Variants in TEX36 observed in about 807,000 individuals in gnomAD.
TEX36 encodes the protein testis-expressed protein 36.
A neutral mutation model predicts 13.6 loss-of-function variants in TEX36; 12 were observed. The observed-to-expected ratio is 0.88, with a 90% CI of 0.56 to 1.43. The LOEUF (loss-of-function observed/expected upper bound fraction) is 1.43, where lower values mean the gene tolerates loss of function less well. TEX36 is among the 40% of genes most tolerant of loss of function. The pLI, the probability that TEX36 is intolerant of heterozygous loss-of-function variation, is 0.00. For missense variants in TEX36, 224 were observed against 228.3 expected (o/e 0.98, Z 0.12); for synonymous variants, 93 against 83.0 (o/e 1.12, Z -0.65).
At chr10:125,585,277 T>C (rs1466655430) in intron 3 of TEX36, among the ~76,000 whole-genome samples, 3 of 152,114 alleles carry the variant, frequency 2.0e-5, no homozygotes, top group African/African-American at 7.2e-5. Flanking sequence ...GGAGAGGATG[T>C]ACCTGCCCAA....
In TEX36 at chr10:125,636,154, C is replaced by A. The variant is rs756536819; in HGVS notation, c.265-14509G>T. ...CCTCCCAAAGTGCTGGGATTATAGGCGTGAGTCACCACATGCGGCCTTCAA... is the reference window on the plus strand; with the variant it reads ...CCTCCCAAAGTGCTGGGATTATAGGAGTGAGTCACCACATGCGGCCTTCAA... On this transcript the variant is annotated intron_variant, in intron 3 of 3. Transcript: ENST00000526819. 2.0e-5 allele frequency among the ~76,000 whole-genome samples: 3 copies of A among 151,482 alleles called. No individual in the cohort carries two copies. The East Asian group carries it at 5.9e-4, about 30-fold the overall frequency.
intron 3 of TEX36, among the ~76,000 whole-genome samples, chr10:125,622,923 G>T (rs576738095): frequency 3.2e-4 from 48 of 152,274 alleles, no homozygotes; most frequent in African/African-American, 1.1e-3. Flanking sequence ...CCTGGTGACA[G>T]CATTCCTCCC....
chr10:125,582,512 C>T (rs919053974), intron 3 of TEX36, among the ~76,000 whole-genome samples: 7 of 152,192 alleles, frequency 4.6e-5, no homozygotes, highest in African/African-American at 1.7e-4. Context: ...CATTCTGCTG[C>T]GTGCGTGCCT....
chr10:125,585,430 A>T (rs1845933361), intron 3 of TEX36, among the ~76,000 whole-genome samples: 1 of 152,152 alleles, frequency 6.6e-6, no homozygotes, highest in South Asian at 2.1e-4. Context: ...CCTCAGAAGC[A>T]AGGTCTCTTC....
At chr10:125,606,699 C>T (rs1049782449) in intron 3 of TEX36, among the ~76,000 whole-genome samples, 49 of 152,234 alleles carry the variant, frequency 3.2e-4, no homozygotes, top group East Asian at 2.5e-3. Context: ...ATTACTGTTC[C>T]GGAGATAACA....
chr10:125,593,423 G>C (rs1479669798), intron 3 of TEX36, among the ~76,000 whole-genome samples: 1 of 152,208 alleles, frequency 6.6e-6, no homozygotes, highest in African/African-American at 2.4e-5. Context: ...TCTGCCACTT[G>C]CTATGTGACT....
At chr10:125,637,951 C>A (rs956044122) in intron 3 of TEX36, among the ~76,000 whole-genome samples, 5 of 152,176 alleles carry the variant, frequency 3.3e-5, no homozygotes, top group Admixed American at 1.3e-4. Context: ...GGGCCCCCTC[C>A]AACTTCCCCT....
At chr10:125,652,046 T>C (rs1161969836), downstream of TEX36, among the ~76,000 whole-genome samples, 1 of 152,148 alleles carries the variant, frequency 6.6e-6, no homozygotes. Flanking sequence ...AGAATCAATA[T>C]TGTGAAAACG....
Position 125,661,906 on chromosome 10 carries a change from A to C in TEX36, c.123T>G (p.Ser41Arg), listed in dbSNP as rs1443861032. The C allele has an allele frequency of 6.4e-7, 1 of 1,551,974 alleles. No homozygotes were observed. The highest frequency in any genetic ancestry group is 2.0e-5 in the Admixed American group (1 of 50,992). ...CCTCCGCTTGCCGAGGCAAGTGTGG[A>C]CTCTGGGGCTCTTTTGACGTAGCAC... is the stretch of plus-strand genomic sequence containing the variant. The part of the protein sequence containing the change: ...ITSATSKEPQ[S>R]PHLPRQAEGK... Residue 41 changes from serine to arginine, a missense_variant, in exon 2 of 4, where the codon AGT becomes AGG. Transcript: ENST00000368821.
At chr10:125,643,839 T>G (rs767396181) in intron 3 of TEX36, among the ~76,000 whole-genome samples, 56 of 151,934 alleles carry the variant, frequency 3.7e-4, no homozygotes, top group Admixed American at 2.2e-3. Context: ...ATTGCCTGAA[T>G]AGGCAGAGAT....
chr10:125,603,069 A>G (rs1317057050), intron 3 of TEX36, among the ~76,000 whole-genome samples: 1 of 152,218 alleles, frequency 6.6e-6, no homozygotes, highest in Non-Finnish European at 1.5e-5. Context: ...AAGGCCAAGC[A>G]TGACAGAACT....
intron 3 of TEX36, among the ~76,000 whole-genome samples, chr10:125,588,966 C>T (rs1463065419): frequency 6.6e-6 from 1 of 152,200 alleles, no homozygotes; most frequent in Non-Finnish European, 1.5e-5. Flanking sequence ...TCACCAATGG[C>T]TGGCACTAAG....
intron 1 of TEX36, among the ~76,000 whole-genome samples, chr10:125,670,649 A>T (rs1411698907): frequency 6.6e-6 from 1 of 152,192 alleles, no homozygotes; most frequent in Non-Finnish European, 1.5e-5. Context: ...CATTTTAATC[A>T]TGTAATATTT....
At position 125,596,929 on chromosome 10, in the gene TEX36, C is replaced by T. The variant is rs369019990; in HGVS notation, c.265-20055G>A. Among the ~76,000 whole-genome samples the T allele has an allele frequency of 2.4e-4, 36 of 152,286 alleles. No homozygotes were observed. The South Asian group carries it at 6.4e-3, about 27-fold the overall frequency. ...AAATTTGTAATCTCTCCTGTTAACT[C>T]GCCTCATCTGTAAAATGGGTTAAAA... On this transcript the variant is annotated intron_variant, in intron 3 of 3. Coordinates refer to the TEX36 transcript ENST00000532135.
At chr10:125,661,412 T>C (rs1847039740) in intron 2 of TEX36, among the ~76,000 whole-genome samples, 1 of 152,086 alleles carries the variant, frequency 6.6e-6, no homozygotes, top group Admixed American at 6.5e-5. Flanking sequence ...GGGAAGGACT[T>C]TTGAGGCCGT....
chr10:125,681,398 T>C (rs924109161), intron 1 of TEX36, among the ~76,000 whole-genome samples: 1 of 152,252 alleles, frequency 6.6e-6, no homozygotes, highest in Non-Finnish European at 1.5e-5. Flanking sequence ...ACATAGGTAA[T>C]AGCTAGAGGG....
chr10:125,617,874 C>T (rs549901544), downstream of TEX36, among the ~76,000 whole-genome samples: 6,358 of 152,254 alleles, frequency 0.042, 231 homozygotes, highest in South Asian at 0.16. Flanking sequence ...TAATATCCTG[C>T]AGAGTGTTTT....
intron 3 of TEX36, among the ~76,000 whole-genome samples, chr10:125,614,064 C>G (rs1166910013): frequency 3.9e-5 from 6 of 152,218 alleles, no homozygotes; most frequent in African/African-American, 1.4e-4. Flanking sequence ...TGTCTTTTGG[C>G]TGCATAAATG....
At chr10:125,679,990 A>T (rs1200483674) in intron 1 of TEX36, among the ~76,000 whole-genome samples, 3 of 152,240 alleles carry the variant, frequency 2.0e-5, no homozygotes, top group Non-Finnish European at 4.4e-5. Context: ...ACACTGCTTT[A>T]CAAAAATCAG....
Sources: allele counts gnomAD v4.1 joint callset (sites outside exome capture counted in the v4.1 genomes callset), GRCh38; gene constraint gnomAD v4.1.1; transcripts MANE v1.5; gene names NCBI Gene and HGNC (gene_info 2026-07-23, HGNC 2026-07-21).